The following ATG10 variants were observed in gnomAD, a reference collection of about 807,000 sequenced individuals.
ATG10 encodes the protein ubiquitin-like-conjugating enzyme ATG10.
A neutral mutation model predicts 32.1 loss-of-function variants in ATG10; 30 were observed. The observed-to-expected ratio is 0.94, with a 90% CI of 0.70 to 1.27. ATG10 has a LOEUF of 1.27. Ranked by LOEUF, ATG10 falls within the 50% of genes most tolerant of loss-of-function variation. The pLI is 0.00. For missense variants in ATG10, 233 were observed against 262.3 expected, an observed-to-expected ratio of 0.89 and a Z score of 0.77; for synonymous variants, 87 against 91.5, an observed-to-expected ratio of 0.95 and a Z score of 0.28.
At chr5:82,106,534 C>A (rs772650248) in intron 3 of ATG10, among the ~76,000 whole-genome samples, 1 of 151,954 alleles carries the variant, frequency 6.6e-6, no homozygotes, top group Non-Finnish European at 1.5e-5. Flanking sequence ...GTTTCATTTA[C>A]CAGGGTGAGA....
At position 82,119,984 on chromosome 5, in the gene ATG10, TTGTGTGTGTGTG is replaced by T. The variant is rs5869106; in HGVS notation, c.217-44391_217-44380del. ...TTTGGCTGTAGGAGTCCACCATTTA[TTGTGTGTGTGTG>T]TGTGTGTGTGTGTGTGTGTGTGTAC... On this transcript the variant is annotated intron_variant, in intron 3 of 7. Transcript: ENST00000282185. Among the ~76,000 whole-genome samples, 1,049 of 148,282 alleles carry T rather than the reference TTGTGTGTGTGTG, an allele frequency of 7.1e-3. 16 individuals carry two copies. The highest frequency in any genetic ancestry group is 0.012 in the African/African-American group (499 of 40,490).
At position 82,057,525 on chromosome 5, in the gene ATG10, A is replaced by G. The variant is rs139484569; in HGVS notation, c.109-970A>G. Among the ~76,000 whole-genome samples the G allele has an allele frequency of 2.1e-3, 325 of 152,210 alleles. 1 individual carries two copies. The highest frequency in any genetic ancestry group is 1.8e-3 in the Non-Finnish European group (123 of 68,020). ...TTCCCTGTTTGTGTCACTGCATCCA[A>G]ATTTCCCTCTTCTTATAGGAAGATT... On this transcript the variant is annotated intron_variant, in intron 2 of 7. Coordinates refer to ENST00000282185, the MANE Select transcript of ATG10 (RefSeq NM_031482.5).
intron 3 of ATG10, among the ~76,000 whole-genome samples, chr5:82,071,813 C>A (rs913738306): frequency 6.6e-6 from 1 of 152,080 alleles, no homozygotes; most frequent in Non-Finnish European, 1.5e-5. Context: ...GCTAGCTGTG[C>A]TAGGATATTA....
At chr5:82,117,172 A>G (rs1581704939) in intron 3 of ATG10, among the ~76,000 whole-genome samples, 1 of 152,140 alleles carries the variant, frequency 6.6e-6, no homozygotes, top group African/African-American at 2.4e-5. Flanking sequence ...AGTTGAGTAA[A>G]CAGACATGGA....
At position 82,218,052 on chromosome 5, in the gene ATG10, T is replaced by TACACACACACACACAC. The variant is rs60254193; in HGVS notation, c.454-34490_454-34475dup. Among the ~76,000 whole-genome samples the TACACACACACACACAC allele has an allele frequency of 1.6e-3, 231 of 145,278 alleles. 1 individual carries two copies. Among genetic ancestry groups the TACACACACACACACAC allele is most frequent in the Middle Eastern group, 3.5e-3 (1 of 288 alleles). Reference sequence around the variant, plus strand: ...TTATAACAGAACACTGTTCTCTCTTTACACACACACACACACACACACACA... The same window carrying TACACACACACACACAC: ...TTATAACAGAACACTGTTCTCTCTTTACACACACACACACACACACACACACACACACACACACACA... On this transcript the variant is annotated intron_variant, in intron 5 of 7. Coordinates refer to ENST00000282185, the MANE Select transcript of ATG10 (RefSeq NM_031482.5).
chr5:82,033,747 C>T (rs1382675521), intron 2 of ATG10, among the ~76,000 whole-genome samples: 2 of 151,536 alleles, frequency 1.3e-5, no homozygotes, highest in Non-Finnish European at 2.9e-5. Flanking sequence ...CACACACACA[C>T]ACACACACAC....
chr5:82,222,481 A>G (rs930524751), intron 5 of ATG10, among the ~76,000 whole-genome samples: 1 of 152,238 alleles, frequency 6.6e-6, no homozygotes, highest in African/African-American at 2.4e-5. Flanking sequence ...TAGTACTGTT[A>G]TTAATGATCT....
At chr5:82,135,704 G>A (rs897731361) in intron 3 of ATG10, among the ~76,000 whole-genome samples, 1 of 152,186 alleles carries the variant, frequency 6.6e-6, no homozygotes, top group African/African-American at 2.4e-5. Context: ...TGTTGATTTG[G>A]GGTGGAGAGT....
At chr5:82,253,877 C>T (rs1747361753) in intron 7 of ATG10, among the ~76,000 whole-genome samples, 191 bp from the exon 8 acceptor site, 2 of 152,148 alleles carry the variant, frequency 1.3e-5, no homozygotes, top group Non-Finnish European at 2.9e-5. Context: ...AAATGGTTTT[C>T]CCTGAAACTG....
In ATG10 at chr5:82,255,374, G is replaced by A. The variant is rs368011834; in HGVS notation, c.*1311G>A. ...AGTTTCATAGCCAGTTAAGTATTAAGATAAACCTAACCTGGAACAATTTTT... is the reference window on the plus strand; with the variant it reads ...AGTTTCATAGCCAGTTAAGTATTAAAATAAACCTAACCTGGAACAATTTTT... On this transcript the variant is annotated 3_prime_UTR_variant, in exon 8 of 8. Transcript: ENST00000282185. 9 of 152,264 alleles carry A rather than the reference G, an allele frequency of 5.9e-5. No individual in the cohort carries two copies. The East Asian group carries it at 1.7e-3, about 29-fold the overall frequency. 9.4% of individuals were successfully genotyped at this position (152,264 alleles called of 1,614,324 possible). A position where few individuals can be genotyped will look rare whatever the true frequency, so the allele number is the denominator to read the frequency against.
chr5:82,180,620 C>T (rs1379657443), intron 5 of ATG10, among the ~76,000 whole-genome samples: 1 of 152,012 alleles, frequency 6.6e-6, no homozygotes, highest in African/African-American at 2.4e-5. Flanking sequence ...ATTGTAGAGT[C>T]CTTATCCACA....
At chr5:82,235,819 A>T (rs549737799) in intron 5 of ATG10, among the ~76,000 whole-genome samples, 91 of 152,286 alleles carry the variant, frequency 6.0e-4, no homozygotes, top group Non-Finnish European at 1.2e-3. Context: ...ATTCACTTAA[A>T]TCTGTTTTAT....
At chr5:81,995,398 C>A (rs1450044611) in intron 2 of ATG10, among the ~76,000 whole-genome samples, 2 of 152,182 alleles carry the variant, frequency 1.3e-5, no homozygotes, top group Non-Finnish European at 1.5e-5. Flanking sequence ...CCATCTCAGC[C>A]TCCCAAAGTG....
chr5:82,096,563 T>A (rs904653717), intron 3 of ATG10, among the ~76,000 whole-genome samples: 36 of 152,150 alleles, frequency 2.4e-4, no homozygotes, highest in Non-Finnish European at 2.5e-4. Flanking sequence ...CTCTGAGGTA[T>A]AGAAAGAAGG....
intron 2 of ATG10, among the ~76,000 whole-genome samples, chr5:82,052,152 G>A (rs746278549): frequency 4.6e-5 from 7 of 152,112 alleles, no homozygotes; most frequent in Non-Finnish European, 7.4e-5. Context: ...AGTTGAAGTC[G>A]TATATAAAAT....
intron 5 of ATG10, among the ~76,000 whole-genome samples, chr5:82,238,991 A>T (rs1378958649): frequency 6.6e-6 from 1 of 152,244 alleles, no homozygotes; most frequent in Non-Finnish European, 1.5e-5. Flanking sequence ...ATAAGAGTTT[A>T]GAATATATTG....
chr5:82,062,039 G>C (rs139629743), intron 3 of ATG10, among the ~76,000 whole-genome samples: 1 of 151,418 alleles, frequency 6.6e-6, no homozygotes, highest in African/African-American at 2.4e-5. Flanking sequence ...TCTGTTGCCC[G>C]GGCTTGTCTC....
intron 5 of ATG10, among the ~76,000 whole-genome samples, chr5:82,223,041 C>T (rs1480042235): frequency 1.3e-5 from 2 of 152,176 alleles, no homozygotes; most frequent in Non-Finnish European, 2.9e-5. Flanking sequence ...TTATAAGCAA[C>T]ATTTGTTTAC....
At chr5:82,120,013 TG>T (rs1765983272) in intron 3 of ATG10, among the ~76,000 whole-genome samples, 1 of 148,354 alleles carries the variant, frequency 6.7e-6, no homozygotes, top group Non-Finnish European at 1.5e-5. Flanking sequence ...TGTGTGTGTG[TG>T]TGTGTACGCA....
Sources: gnomAD v4.1 joint callset for allele counts (sites outside exome capture counted in the v4.1 genomes callset) on GRCh38, gnomAD v4.1.1 for gene constraint, MANE v1.5 for transcripts, NCBI Gene and HGNC (gene_info 2026-07-23, HGNC 2026-07-21) for gene names.